Variants in FHIT observed in about 807,000 individuals in gnomAD.
FHIT encodes fragile histidine triad diadenosine triphosphatase.
FHIT carries 19 observed loss-of-function variants against 17.9 expected under a neutral mutation model. The observed-to-expected ratio is 1.06, with a 90% CI of 0.74 to 1.56. The LOEUF (loss-of-function observed/expected upper bound fraction) is 1.56, where lower values mean the gene tolerates loss of function less well. FHIT is among the 40% of genes most tolerant of loss of function. The pLI is 0.00. For missense variants in FHIT, 248 were observed against 189.2 expected (o/e 1.31, Z -1.82); for synonymous variants, 81 against 69.7 (o/e 1.16, Z -0.81).
chr3:60,146,817 C>T lies in FHIT; in HGVS notation c.104-132665G>A, dbSNP rs139180066. ...AAAGCAGCTAAAACTTCCTACCATG[C>T]GTCCGCTATCCATGGAAATCCGGAA... On this transcript the variant is annotated intron_variant, in intron 5 of 9. Transcript: ENST00000492590. Among the ~76,000 whole-genome samples, 60 of 152,206 alleles carry T rather than the reference C, an allele frequency of 3.9e-4. No individual in the cohort carries two copies. The East Asian group carries it at 0.011, about 28-fold the overall frequency.
chr3:59,932,663 T>G (rs1452441152), intron 7 of FHIT, among the ~76,000 whole-genome samples: 2 of 151,584 alleles, frequency 1.3e-5, no homozygotes, highest in Non-Finnish European at 2.9e-5. Context: ...TTGAGAGAAC[T>G]CCTCCCTTTT....
In FHIT at chr3:60,506,397, A is replaced by T. The variant is rs2034731290; in HGVS notation, c.103+30463T>A. On this transcript the variant is annotated intron_variant, in intron 5 of 9. Transcript: ENST00000492590. ...TTATCATATATTATCTATATTACAG[A>T]GATTGTGTTTGGCAAATCCACGGTT... 2.0e-5 allele frequency among the ~76,000 whole-genome samples: 3 copies of T among 152,202 alleles called. No individual in the cohort carries two copies. In the South Asian group the frequency reaches 6.2e-4, roughly 32 times the overall value.
At chr3:59,758,383 G>A (rs534767684) in intron 8 of FHIT, among the ~76,000 whole-genome samples, 5 of 152,176 alleles carry the variant, frequency 3.3e-5, no homozygotes, top group Non-Finnish European at 7.3e-5. Flanking sequence ...GCTGAAATTT[G>A]CCACTTTGAG....
chr3:60,513,986 G>A (rs1249368644), intron 5 of FHIT, among the ~76,000 whole-genome samples: 1 of 152,174 alleles, frequency 6.6e-6, no homozygotes, highest in Non-Finnish European at 1.5e-5. Context: ...TCGGAGACTA[G>A]GTTGGGGAGA....
At chr3:60,560,344 G>C (rs998943124) in intron 4 of FHIT, among the ~76,000 whole-genome samples, 2 of 152,142 alleles carry the variant, frequency 1.3e-5, no homozygotes, top group Non-Finnish European at 2.9e-5. Context: ...ATTAGATAAT[G>C]ATCTCCTTAA....
rs2036858839 is a variant in FHIT at position 61,134,550 on chromosome 3, T to A, written c.-164+66067A>T. Among the ~76,000 whole-genome samples the A allele has an allele frequency of 1.3e-5, 2 of 152,030 alleles. 1 individual carries two copies. The highest frequency in any genetic ancestry group is 4.1e-4 in the South Asian group (2 of 4,820). ...CTCTTCAAAGGAAGGAGAAATGATC[T>A]GGGGCTAAAGATTATATGGGCAGAG... On this transcript the variant is annotated intron_variant, in intron 2 of 9. Transcript: ENST00000492590.
chr3:60,245,492 A>G (rs1290335983), intron 5 of FHIT, among the ~76,000 whole-genome samples: 2 of 152,112 alleles, frequency 1.3e-5, no homozygotes, highest in South Asian at 2.1e-4. Flanking sequence ...ATAAGCTCAT[A>G]AAGTTAATCA....
intron 5 of FHIT, among the ~76,000 whole-genome samples, chr3:60,032,167 A>G (rs1701028323): frequency 6.6e-6 from 1 of 152,216 alleles, no homozygotes; most frequent in African/African-American, 2.4e-5. Context: ...CTGGTATTAA[A>G]TAACATGAAT....
chr3:60,081,779 C>G (rs185473765), intron 5 of FHIT, among the ~76,000 whole-genome samples: 4 of 152,166 alleles, frequency 2.6e-5, no homozygotes, highest in Non-Finnish European at 5.9e-5. Context: ...GGACCCTAAT[C>G]AGAGAGAGTG....
intron 4 of FHIT, among the ~76,000 whole-genome samples, chr3:60,816,765 G>T (rs1263438025): frequency 6.6e-6 from 1 of 151,812 alleles, no homozygotes; most frequent in Non-Finnish European, 1.5e-5. Flanking sequence ...GGGAGGAGTT[G>T]CTCCTCTTCA....
At chr3:60,352,509 T>A (rs902286117) in intron 5 of FHIT, among the ~76,000 whole-genome samples, 9 of 150,656 alleles carry the variant, frequency 6.0e-5, no homozygotes, top group Non-Finnish European at 7.4e-5. Flanking sequence ...TTTTTTAAAA[T>A]TTTTTTTTAA....
chr3:59,917,539 T>A (rs1401392692), intron 8 of FHIT, among the ~76,000 whole-genome samples: 2 of 152,212 alleles, frequency 1.3e-5, no homozygotes, highest in South Asian at 4.1e-4. Context: ...CTTGTCAAGA[T>A]AATGAAGGGC....
chr3:60,583,186 T>C (rs144132995), intron 4 of FHIT, among the ~76,000 whole-genome samples: 2 of 152,068 alleles, frequency 1.3e-5, no homozygotes, highest in East Asian at 3.9e-4. Context: ...TTACTGGTTT[T>C]ATATTTTAAC....
intron 1 of FHIT, among the ~76,000 whole-genome samples, chr3:61,215,618 T>C (rs1255508014): frequency 2.6e-5 from 4 of 152,184 alleles, no homozygotes; most frequent in Non-Finnish European, 5.9e-5. Context: ...TACCAATGAC[T>C]TTCTTCACAG....
intron 7 of FHIT, among the ~76,000 whole-genome samples, chr3:59,941,025 A>G (rs926476637): frequency 1.3e-5 from 2 of 152,218 alleles, no homozygotes; most frequent in Admixed American, 6.5e-5. Context: ...ATCTGTGACT[A>G]TGACTAGCAC....
At chr3:60,709,856 T>G (rs1013001624) in intron 4 of FHIT, among the ~76,000 whole-genome samples, 1 of 152,198 alleles carries the variant, frequency 6.6e-6, no homozygotes, top group Non-Finnish European at 1.5e-5. Flanking sequence ...AGACTCACTT[T>G]GTGCATTTTA....
At chr3:60,421,882 G>A (rs377303131) in intron 5 of FHIT, among the ~76,000 whole-genome samples, 8 of 152,092 alleles carry the variant, frequency 5.3e-5, no homozygotes, top group Admixed American at 6.5e-5. Context: ...TACTTCCAAC[G>A]GAAGCAGAGA....
At chr3:60,013,259 G>A (rs1230443425) in intron 6 of FHIT, among the ~76,000 whole-genome samples, 1 of 152,178 alleles carries the variant, frequency 6.6e-6, no homozygotes, top group East Asian at 1.9e-4. Context: ...AACAGGCTGA[G>A]TACAGAGTCC....
At chr3:60,773,679 A>G (rs998452230) in intron 4 of FHIT, among the ~76,000 whole-genome samples, 4 of 152,268 alleles carry the variant, frequency 2.6e-5, no homozygotes, top group Admixed American at 6.5e-5. Flanking sequence ...TCTAGCTTAC[A>G]AGATAATCAT....
Sources: allele counts gnomAD v4.1 joint callset (sites outside exome capture counted in the v4.1 genomes callset), GRCh38; gene constraint gnomAD v4.1.1; transcripts MANE v1.5; gene names NCBI Gene and HGNC (gene_info 2026-07-23, HGNC 2026-07-21).